Variants in KANK1 observed in about 807,000 individuals in gnomAD.
KANK1 encodes KN motif and ankyrin repeat domain-containing protein 1.
KANK1 carries 109 observed loss-of-function variants against 106.2 expected under a neutral mutation model. That is an observed-to-expected ratio of 1.03 (90% CI 0.88 to 1.20). The LOEUF (loss-of-function observed/expected upper bound fraction) is 1.20, where lower values mean the gene tolerates loss of function less well. Ranked by LOEUF, KANK1 falls within the 50% of genes most tolerant of loss-of-function variation. The pLI, the probability that KANK1 is intolerant of heterozygous loss-of-function variation, is 0.00. For missense variants in KANK1, 2,399 were observed against 1,710.7 expected (o/e 1.40, Z -7.10); for synonymous variants, 873 against 652.2 (o/e 1.34, Z -5.16).
intron 3 of KANK1, among the ~76,000 whole-genome samples, chr9:727,837 C>T (rs1342635207): frequency 6.6e-6 from 1 of 152,076 alleles, no homozygotes; most frequent in African/African-American, 2.4e-5. Flanking sequence ...ATTGAAAATT[C>T]TACAATATAT....
chr9:502,539 T>C (rs865982201), upstream of KANK1, among the ~76,000 whole-genome samples: 2 of 125,282 alleles, frequency 1.6e-5, no homozygotes, highest in Non-Finnish European at 3.0e-5. Flanking sequence ...TTTTTTTTTT[T>C]TTTTCTTAGA....
intron 1 of KANK1, among the ~76,000 whole-genome samples, chr9:546,576 A>G (rs943638392): frequency 1.3e-5 from 2 of 151,660 alleles, no homozygotes; most frequent in African/African-American, 4.8e-5. Context: ...TGCCTCTCCT[A>G]CCTCTCTACC....
intron 1 of KANK1, among the ~76,000 whole-genome samples, chr9:652,413 C>T (rs1167638809): frequency 3.9e-5 from 6 of 152,304 alleles, no homozygotes; most frequent in Admixed American, 1.3e-4. Context: ...ATCCCAGCTA[C>T]TCAGGAGGCT....
intron 1 of KANK1, among the ~76,000 whole-genome samples, chr9:564,540 T>C (rs1587853509): frequency 6.6e-6 from 1 of 152,328 alleles, no homozygotes; most frequent in Non-Finnish European, 1.5e-5. Flanking sequence ...ATATGAAACA[T>C]ACATAGTTGC....
chr9:496,938 A>G (rs1212744121), intron 3 of KANK1, among the ~76,000 whole-genome samples: 1 of 152,180 alleles, frequency 6.6e-6, no homozygotes. Context: ...TAATAGTAAC[A>G]ATGATATAAT....
At chr9:708,543 A>G (rs1824970965) in intron 2 of KANK1, among the ~76,000 whole-genome samples, 2 of 152,180 alleles carry the variant, frequency 1.3e-5, no homozygotes, top group African/African-American at 4.8e-5. Context: ...GACGTAAGGA[A>G]TATACGTCCT....
intron 1 of KANK1, among the ~76,000 whole-genome samples, chr9:600,769 T>C (rs1253080596): frequency 6.6e-6 from 1 of 151,910 alleles, no homozygotes; most frequent in Non-Finnish European, 1.5e-5. Context: ...GATCTTCTAC[T>C]TGTTGACAGA....
chr9:482,323 A>G (rs2132174303), intron 3 of KANK1, among the ~76,000 whole-genome samples: 1 of 152,322 alleles, frequency 6.6e-6, no homozygotes, highest in South Asian at 2.1e-4. Context: ...AGGGGGCACA[A>G]ACTATTTTCG....
At chr9:697,825 A>G (rs1462869750) in intron 2 of KANK1, among the ~76,000 whole-genome samples, 1 of 152,180 alleles carries the variant, frequency 6.6e-6, no homozygotes, top group Non-Finnish European at 1.5e-5. Context: ...TACCCTTGAC[A>G]CTGGCATTAA....
intron 1 of KANK1, among the ~76,000 whole-genome samples, chr9:595,944 T>G (rs542736151): frequency 6.6e-6 from 1 of 152,046 alleles, no homozygotes; most frequent in South Asian, 2.1e-4. Flanking sequence ...TAGAAGTATT[T>G]CGGACTTTGG....
intron 3 of KANK1, chr9:488,984 C>G (rs2058337738): frequency 6.6e-6 from 1 of 152,004 alleles, no homozygotes; most frequent in Admixed American, 6.6e-5. Context: ...ATCATGGCAC[C>G]ATGCTGGGCC....
intron 1 of KANK1, among the ~76,000 whole-genome samples, chr9:550,880 A>G: frequency 6.6e-6 from 1 of 152,142 alleles, no homozygotes; most frequent in Admixed American, 6.5e-5. Flanking sequence ...CCCAGACTCC[A>G]GAATAATTTC....
At chr9:732,328 G>T in intron 5 of KANK1, 50 bp from the exon 6 acceptor site, 1 of 1,560,072 alleles carries the variant, frequency 6.4e-7, no homozygotes, top group Non-Finnish European at 8.7e-7. Context: ...TCTATCACTG[G>T]GTCTTCGTGA....
rs551739649 is a variant in KANK1 at position 517,697 on chromosome 9, A to G, written c.-84+12943A>G. On this transcript the variant is annotated intron_variant, in intron 1 of 11. Coordinates refer to ENST00000382297, the MANE Select transcript of KANK1 (RefSeq NM_015158.5). The stretch of plus-strand genomic sequence containing the variant: ...GTAGGGAAGGGTGTGCCGGTGGGTC[A>G]CCTTTTGAGGTTAAGAACGAGTAAT... Among the ~76,000 whole-genome samples, 65 of 149,246 alleles carry G rather than the reference A, an allele frequency of 4.4e-4. 2 individuals carry two copies. In the South Asian group the frequency reaches 0.013, roughly 31 times the overall value.
chr9:507,592 C>A (rs1423483937), intron 1 of KANK1, among the ~76,000 whole-genome samples: 2 of 134,442 alleles, frequency 1.5e-5, no homozygotes, highest in Non-Finnish European at 3.1e-5. Flanking sequence ...GAGTCTCGAT[C>A]TGTTGCCAGG....
At chr9:481,684 A>T (rs759228682) in intron 3 of KANK1, among the ~76,000 whole-genome samples, 1 of 152,166 alleles carries the variant, frequency 6.6e-6, no homozygotes, top group Non-Finnish European at 1.5e-5. Context: ...AGAATAGGCA[A>T]GGCTTGAGTG....
chr9:659,482 G>C (rs1842838323), intron 1 of KANK1, among the ~76,000 whole-genome samples: 1 of 152,146 alleles, frequency 6.6e-6, no homozygotes, highest in Admixed American at 6.5e-5. Flanking sequence ...TGCTGATGCT[G>C]CTGTTCTGGG....
intron 1 of KANK1, among the ~76,000 whole-genome samples, chr9:539,227 C>T (rs568695010): frequency 6.8e-4 from 103 of 152,210 alleles, no homozygotes; most frequent in Non-Finnish European, 1.1e-3. Context: ...TGCTCAAGAA[C>T]GCTTTGGCTG....
intron 10 of KANK1, 98 bp downstream of exon 10, chr9:742,503 C>G: frequency 2.4e-6 from 2 of 848,280 alleles, no homozygotes; most frequent in East Asian, 5.2e-5. Context: ...AAATCCTCCT[C>G]TATTCTCCTC....
Sources: allele counts gnomAD v4.1 joint callset (sites outside exome capture counted in the v4.1 genomes callset), GRCh38; gene constraint gnomAD v4.1.1; transcripts MANE v1.5; gene names NCBI Gene and HGNC (gene_info 2026-07-23, HGNC 2026-07-21).